MAP4K3: variants seen among roughly 807,000 people sequenced by gnomAD.
MAP4K3 encodes mitogen-activated protein kinase kinase kinase kinase 3, also known as MAPK/ERK kinase kinase kinase 3.
In MAP4K3, 94 loss-of-function variants were observed where a neutral mutation model predicts 143.5. That is an observed-to-expected ratio of 0.65 (90% confidence interval 0.55 to 0.78). The LOEUF (loss-of-function observed/expected upper bound fraction) is 0.78. MAP4K3 is among the 30% of genes least tolerant of loss of function. MAP4K3 has a pLI of 0.00. For missense variants in MAP4K3, 1,077 were observed against 1,068.1 expected, an observed-to-expected ratio of 1.01 and a Z score of -0.12; for synonymous variants, 416 against 347.2, an observed-to-expected ratio of 1.20 and a Z score of -2.20.
At chr2:39,429,759 A>T (rs977922371) in intron 1 of MAP4K3, among the ~76,000 whole-genome samples, 2 of 152,298 alleles carry the variant, frequency 1.3e-5, no homozygotes, top group Admixed American at 6.5e-5. Flanking sequence ...AATAGATAAA[A>T]CCATTTTGAA....
chr2:39,323,725 G>T (rs1318377854), intron 12 of MAP4K3: 2 of 152,000 alleles, frequency 1.3e-5, no homozygotes, highest in Non-Finnish European at 2.9e-5. Context: ...ACAGACACAT[G>T]ATGAAAAGGC....
intron 19 of MAP4K3, among the ~76,000 whole-genome samples, chr2:39,288,702 G>C (rs1299130446): frequency 6.6e-6 from 1 of 152,150 alleles, no homozygotes; most frequent in Non-Finnish European, 1.5e-5. Context: ...ATGACTCAAT[G>C]TCTTTATGGT....
chr2:39,354,275 C>G (rs1665542963), intron 3 of MAP4K3, among the ~76,000 whole-genome samples: 2 of 152,166 alleles, frequency 1.3e-5, no homozygotes, highest in South Asian at 4.2e-4. Context: ...AACCCCGTCT[C>G]TACTAAAAAT....
chr2:39,251,634 C>A (rs568757389), intron 33 of MAP4K3, among the ~76,000 whole-genome samples, 196 bp downstream of exon 33: 1 of 152,312 alleles, frequency 6.6e-6, no homozygotes, highest in South Asian at 2.1e-4. Context: ...ACTGACAGAT[C>A]CATACATTCC....
At chr2:39,365,332 T>C (rs898426674) in intron 2 of MAP4K3, among the ~76,000 whole-genome samples, 3 of 152,086 alleles carry the variant, frequency 2.0e-5, no homozygotes, top group Non-Finnish European at 2.9e-5. Context: ...TGGCCTGAAC[T>C]AGTTTTTCAG....
chr2:39,283,981 C>T (rs1038209798), intron 21 of MAP4K3, among the ~76,000 whole-genome samples: 14 of 152,238 alleles, frequency 9.2e-5, no homozygotes, highest in Non-Finnish European at 1.9e-4. Context: ...AAAAATATAA[C>T]ATTTCTGAAA....
chr2:39,338,425 G>C (rs1259650739), intron 4 of MAP4K3, among the ~76,000 whole-genome samples: 1 of 152,046 alleles, frequency 6.6e-6, no homozygotes, highest in African/African-American at 2.4e-5. Context: ...GGAAATTAAA[G>C]GTCTCTTCTT....
At chr2:39,284,907 T>G (rs1228101484) in intron 21 of MAP4K3, among the ~76,000 whole-genome samples, 1 of 151,958 alleles carries the variant, frequency 6.6e-6, no homozygotes, top group Non-Finnish European at 1.5e-5. Context: ...TAATTTTTTT[T>G]AGAGATATGG....
chr2:39,296,102 A>T (rs1158377579), intron 16 of MAP4K3, among the ~76,000 whole-genome samples: 2 of 152,180 alleles, frequency 1.3e-5, no homozygotes, highest in South Asian at 4.1e-4. Context: ...GAATATGAAA[A>T]AGCAGATAGC....
At chr2:39,423,176 A>G (rs1451661872) in intron 1 of MAP4K3, among the ~76,000 whole-genome samples, 1 of 152,236 alleles carries the variant, frequency 6.6e-6, no homozygotes, top group East Asian at 1.9e-4. Context: ...AAAGATGACC[A>G]ACATCATATA....
At chr2:39,298,533 T>C (rs1309398526) in intron 16 of MAP4K3, among the ~76,000 whole-genome samples, 1 of 152,208 alleles carries the variant, frequency 6.6e-6, no homozygotes, top group East Asian at 1.9e-4. Flanking sequence ...ATTTAGTTTA[T>C]TAAAAAAAGA....
At chr2:39,430,127 A>T (rs912531888) in intron 1 of MAP4K3, among the ~76,000 whole-genome samples, 12 of 152,200 alleles carry the variant, frequency 7.9e-5, no homozygotes, top group Non-Finnish European at 1.5e-4. Flanking sequence ...AAGAGGTTTA[A>T]TTGACTCACA....
At chr2:39,390,731 G>A (rs1666629239) in intron 1 of MAP4K3, among the ~76,000 whole-genome samples, 1 of 149,606 alleles carries the variant, frequency 6.7e-6, no homozygotes, top group Non-Finnish European at 1.5e-5. Context: ...ACTTTTCTAA[G>A]ATTAACAACA....
intron 14 of MAP4K3, among the ~76,000 whole-genome samples, chr2:39,308,510 C>G (rs1227809332): frequency 6.6e-6 from 1 of 152,076 alleles, no homozygotes; most frequent in Non-Finnish European, 1.5e-5. Context: ...AAGAAGAAAG[C>G]TCCTACTTCA....
intron 4 of MAP4K3, among the ~76,000 whole-genome samples, chr2:39,343,007 T>C (rs116808923): frequency 0.017 from 2,599 of 152,280 alleles, 38 homozygotes; most frequent in Non-Finnish European, 0.024. Flanking sequence ...AAACATTTAA[T>C]TGATATTTCT....
chr2:39,352,124 C>A (rs1665477935), intron 3 of MAP4K3, among the ~76,000 whole-genome samples: 1 of 152,094 alleles, frequency 6.6e-6, no homozygotes, highest in South Asian at 2.1e-4. Flanking sequence ...GACCCCATCT[C>A]TACTAAAAAT....
intron 1 of MAP4K3, among the ~76,000 whole-genome samples, chr2:39,389,024 T>C (rs1572478805): frequency 1.3e-5 from 2 of 152,132 alleles, no homozygotes; most frequent in African/African-American, 2.4e-5. Context: ...TTAAAAGATA[T>C]ATAACATTAC....
intron 3 of MAP4K3, among the ~76,000 whole-genome samples, chr2:39,352,445 C>T (rs1665487459): frequency 6.6e-6 from 1 of 152,026 alleles, no homozygotes; most frequent in Admixed American, 6.6e-5. Flanking sequence ...TTAAACTCAT[C>T]TTTAGTTTAA....
At chr2:39,338,742 G>C (rs1665054900) in intron 4 of MAP4K3, among the ~76,000 whole-genome samples, 1 of 152,168 alleles carries the variant, frequency 6.6e-6, no homozygotes, top group East Asian at 1.9e-4. Context: ...CTCCTCCCTT[G>C]TGAAGGAGAT....
Sources: gnomAD v4.1 joint callset for allele counts (sites outside exome capture counted in the v4.1 genomes callset) on GRCh38, gnomAD v4.1.1 for gene constraint, MANE v1.5 for transcripts, NCBI Gene and HGNC (gene_info 2026-07-23, HGNC 2026-07-21) for gene names.